The following CSMD1 variants were observed in gnomAD, a reference collection of about 807,000 sequenced individuals.
CSMD1 encodes CUB and sushi domain-containing protein 1.
CSMD1 carries 213 observed loss-of-function variants against 417.5 expected under a neutral mutation model. That is an observed-to-expected ratio of 0.51 (90% confidence interval 0.46 to 0.57). The LOEUF (loss-of-function observed/expected upper bound fraction) is 0.57. Ranked by LOEUF, CSMD1 falls within the 20% of genes least tolerant of loss-of-function variation. The pLI, the probability that CSMD1 is intolerant of heterozygous loss-of-function variation, is 0.00. For synonymous variants in CSMD1, 2,862 were observed against 1,736.8 expected, an observed-to-expected ratio of 1.65 and a Z score of -16.11; for missense variants, 6,923 against 4,529.7, an observed-to-expected ratio of 1.53 and a Z score of -15.17.
At chr8:2,958,903 T>C (rs1326524458) in intron 62 of CSMD1, among the ~76,000 whole-genome samples, 3 of 152,144 alleles carry the variant, frequency 2.0e-5, no homozygotes, top group African/African-American at 7.2e-5. Context: ...ACAAGTAAAA[T>C]GCAAGGAAAT....
intron 1 of CSMD1, among the ~76,000 whole-genome samples, chr8:4,890,742 G>A (rs1804063651): frequency 6.6e-6 from 1 of 151,968 alleles, no homozygotes; most frequent in African/African-American, 2.4e-5. Context: ...TGCGGTGTTT[G>A]CAATTGAAAG....
intron 5 of CSMD1, among the ~76,000 whole-genome samples, chr8:3,903,105 T>C (rs1360143352): frequency 6.6e-6 from 1 of 152,156 alleles, no homozygotes; most frequent in Non-Finnish European, 1.5e-5. Flanking sequence ...TCTGCTGAGC[T>C]AGGTGGAGAC....
At chr8:4,386,496 G>C (rs183534918) in intron 3 of CSMD1, among the ~76,000 whole-genome samples, 60 of 152,332 alleles carry the variant, frequency 3.9e-4, no homozygotes, top group African/African-American at 1.3e-3. Context: ...GTCTCCAATA[G>C]AGAATCTCAA....
chr8:3,665,729 TAA>T (rs2117484429), intron 7 of CSMD1, among the ~76,000 whole-genome samples: 1 of 150,450 alleles, frequency 6.6e-6, no homozygotes, highest in South Asian at 2.2e-4. Context: ...TCAAATGAAT[TAA>T]AGTCATTAAA....
intron 10 of CSMD1, among the ~76,000 whole-genome samples, chr8:3,514,378 G>C (rs1265148938): frequency 1.3e-5 from 2 of 152,118 alleles, no homozygotes; most frequent in Non-Finnish European, 2.9e-5. Flanking sequence ...TGCACACCTA[G>C]CAATACAACA....
chr8:4,160,528 G>A (rs981930452), intron 3 of CSMD1, among the ~76,000 whole-genome samples: 11 of 152,186 alleles, frequency 7.2e-5, no homozygotes, highest in Admixed American at 5.9e-4. Context: ...GCTTAAGCAA[G>A]GAAAAGGAGA....
intron 5 of CSMD1, among the ~76,000 whole-genome samples, chr8:3,951,038 A>T (rs894132129): frequency 2.6e-5 from 4 of 152,254 alleles, no homozygotes; most frequent in African/African-American, 9.6e-5. Context: ...CACTTTAGTG[A>T]GATTTTTAAA....
At chr8:4,445,757 T>G (rs13254250) in intron 2 of CSMD1, among the ~76,000 whole-genome samples, 35,142 of 150,270 alleles carry the variant, frequency 0.23, 4,564 homozygotes, top group Middle Eastern at 0.33. Context: ...TAGACGGTCC[T>G]GAGAATCTAC....
intron 14 of CSMD1, 146 bp from the exon 15 acceptor site, chr8:3,406,367 G>C (rs1012564936): frequency 1.4e-5 from 6 of 417,976 alleles, no homozygotes; most frequent in Admixed American, 4.6e-5. Context: ...TTCATAGATA[G>C]ATAATACATT....
At chr8:3,757,622 G>T (rs926035227) in intron 5 of CSMD1, among the ~76,000 whole-genome samples, 1 of 152,060 alleles carries the variant, frequency 6.6e-6, no homozygotes, top group African/African-American at 2.4e-5. Flanking sequence ...CAGCACTTTG[G>T]GATGCCAAGG....
intron 1 of CSMD1, among the ~76,000 whole-genome samples, chr8:4,689,532 C>T (rs1323126067): frequency 6.6e-6 from 1 of 152,060 alleles, no homozygotes; most frequent in African/African-American, 2.4e-5. Context: ...TTTAAAGTAT[C>T]ATAAGGATTA....
chr8:3,987,798 C>A (rs1382133036), intron 5 of CSMD1, among the ~76,000 whole-genome samples: 1 of 152,222 alleles, frequency 6.6e-6, no homozygotes, highest in Non-Finnish European at 1.5e-5. Context: ...CGTCAAGAAG[C>A]ATAGCCTTAT....
rs112879520 is a variant in CSMD1 at position 3,496,582 on chromosome 8, C to T, written c.1345-2856G>A. 4.2e-4 allele frequency among the ~76,000 whole-genome samples: 64 copies of T among 152,244 alleles called. 1 individual carries two copies. Among genetic ancestry groups the T allele is most frequent in the African/African-American group, 1.5e-3 (62 of 41,556 alleles). On this transcript the variant is annotated intron_variant, in intron 10 of 69. Transcript: ENST00000635120. The stretch of plus-strand genomic sequence containing the variant: ...GTATTTCTATTTTCATTTCCCAGCA[C>T]TTTGGGAGGCCGAGGAGGGTGGGTC...
chr8:4,563,933 A>G (rs1461714110), intron 2 of CSMD1, among the ~76,000 whole-genome samples: 2 of 152,218 alleles, frequency 1.3e-5, no homozygotes, highest in Non-Finnish European at 2.9e-5. Flanking sequence ...GTTCCACAGA[A>G]TAAATTCCAG....
chr8:4,034,859 C>T (rs545917243), intron 3 of CSMD1, among the ~76,000 whole-genome samples: 3 of 152,182 alleles, frequency 2.0e-5, no homozygotes, highest in East Asian at 1.9e-4. Flanking sequence ...CCCAAAGACA[C>T]GGTTATCAAT....
At chr8:4,058,426 G>C (rs1563067275) in intron 3 of CSMD1, among the ~76,000 whole-genome samples, 1 of 152,136 alleles carries the variant, frequency 6.6e-6, no homozygotes, top group Non-Finnish European at 1.5e-5. Context: ...AGCTTAAGGA[G>C]ATTTTCGGCT....
chr8:3,302,105 C>G (rs718123), intron 25 of CSMD1, among the ~76,000 whole-genome samples: 20 of 152,034 alleles, frequency 1.3e-4, no homozygotes, highest in African/African-American at 3.9e-4. Context: ...GTCTCCCGCC[C>G]CTTGGAGGGA....
intron 3 of CSMD1, among the ~76,000 whole-genome samples, chr8:4,241,628 A>C (rs780210469): frequency 6.6e-6 from 1 of 152,224 alleles, no homozygotes; most frequent in Non-Finnish European, 1.5e-5. Flanking sequence ...TAGAGGAGAA[A>C]TAATTCAATG....
chr8:4,514,836 T>A (rs1291078481), intron 2 of CSMD1, among the ~76,000 whole-genome samples: 1 of 152,170 alleles, frequency 6.6e-6, no homozygotes, highest in Non-Finnish European at 1.5e-5. Context: ...TTCCAACTTG[T>A]ACAGGTAGAG....
Sources: allele counts gnomAD v4.1 joint callset (sites outside exome capture counted in the v4.1 genomes callset), GRCh38; gene constraint gnomAD v4.1.1; transcripts MANE v1.5; gene names NCBI Gene and HGNC (gene_info 2026-07-23, HGNC 2026-07-21).